PTPRG: variants seen among roughly 807,000 people sequenced by gnomAD.
PTPRG encodes the protein protein tyrosine phosphatase receptor type G.
A neutral mutation model predicts 165.3 loss-of-function variants in PTPRG; 102 were observed. The ratio of observed to expected loss-of-function variants is 0.62; its 90% CI spans 0.53 to 0.73. The LOEUF is 0.73. PTPRG is among the 30% of genes least tolerant of loss of function. The pLI is 0.00. For synonymous variants in PTPRG, 675 were observed against 669.5 expected (o/e 1.01, Z -0.13); for missense variants, 1,866 against 1,861.4 (o/e 1.00, Z -0.05).
At chr3:61,832,424 C>G (rs1241823653) in intron 2 of PTPRG, among the ~76,000 whole-genome samples, 3 of 152,118 alleles carry the variant, frequency 2.0e-5, no homozygotes, top group Non-Finnish European at 4.4e-5. Flanking sequence ...AGTTTTGGAG[C>G]ATAGAGAGTG....
chr3:61,978,661 C>A (rs897106891), intron 2 of PTPRG, among the ~76,000 whole-genome samples: 3 of 152,080 alleles, frequency 2.0e-5, no homozygotes, highest in Non-Finnish European at 2.9e-5. Flanking sequence ...GTATTTCTGC[C>A]AGGGAAGCAA....
At chr3:61,832,128 G>C (rs1307048033) in intron 2 of PTPRG, among the ~76,000 whole-genome samples, 1 of 152,046 alleles carries the variant, frequency 6.6e-6, no homozygotes, top group Non-Finnish European at 1.5e-5. Context: ...TAACAAGAAG[G>C]GGGTGCTTTG....
intron 21 of PTPRG, among the ~76,000 whole-genome samples, chr3:62,272,642 G>T (rs548822603): frequency 6.6e-6 from 1 of 152,206 alleles, no homozygotes; most frequent in African/African-American, 2.4e-5. Flanking sequence ...TCAGGAGTTC[G>T]ATACCAGTCT....
rs541054128 is a variant in PTPRG, at chr3:61,706,791, G to GTAT, written c.86-42070_86-42068dup. Among the ~76,000 whole-genome samples, 1,150 of 151,760 alleles carry GTAT rather than the reference G, an allele frequency of 7.6e-3. 20 individuals carry two copies. Among genetic ancestry groups the GTAT allele is most frequent in the African/African-American group, 0.025 (1,031 of 41,386 alleles). ...AGGGGTGAGCCACTGTGCCCGGCCA[G>GTAT]TATTATTATTATTATTATTTTTAAC... On this transcript the variant is annotated intron_variant, in intron 1 of 29. Coordinates refer to ENST00000474889, the MANE Select transcript of PTPRG (RefSeq NM_002841.4).
intron 1 of PTPRG, chr3:61,659,569 C>A: frequency 1.8e-6 from 1 of 557,214 alleles, no homozygotes; most frequent in Non-Finnish European, 2.3e-6. Context: ...TCTTGGTAAC[C>A]TTTGAGTGTC....
At position 62,255,065 on chromosome 3, in the gene PTPRG, T is replaced by C; in HGVS notation, c.2468-59T>C. On this transcript the variant is annotated intron_variant, in intron 15 of 29. Transcript: ENST00000474889. This position sits in a 1 kb window ranked among gnomAD's most constrained non-coding sequence, Gnocchi z 4.0. ...TCTTAAGGATGCTTTGCTTTATCAG[T>C]GTAATTTGTTTTATGGAAGTATTCT... is the stretch of plus-strand genomic sequence containing the variant. 3 of 1,414,850 alleles carry C rather than the reference T, an allele frequency of 2.1e-6. No homozygotes were observed. The highest frequency in any genetic ancestry group is 3.0e-6 in the Non-Finnish European group (3 of 1,014,908). 87.6% of individuals were successfully genotyped at this position (1,414,850 alleles called of 1,614,324 possible).
intron 1 of PTPRG, among the ~76,000 whole-genome samples, chr3:61,724,932 A>T (rs780611042): frequency 6.6e-6 from 1 of 152,062 alleles, no homozygotes; most frequent in African/African-American, 2.4e-5. Context: ...GCCTGTTCCC[A>T]CGTCCTCTCA....
At chr3:61,933,983 G>A (rs1335531791) in intron 2 of PTPRG, among the ~76,000 whole-genome samples, 3 of 152,212 alleles carry the variant, frequency 2.0e-5, no homozygotes, top group Non-Finnish European at 4.4e-5. Flanking sequence ...GGTCAGGCAG[G>A]CTCATGCTTT....
intron 6 of PTPRG, among the ~76,000 whole-genome samples, chr3:62,153,546 G>A (rs1296907196): frequency 6.6e-6 from 1 of 151,642 alleles, no homozygotes; most frequent in Non-Finnish European, 1.5e-5. Flanking sequence ...AGGGCACAAG[G>A]AGTAATCCAG....
intron 1 of PTPRG, among the ~76,000 whole-genome samples, chr3:61,731,161 C>T (rs1307892154): frequency 6.6e-6 from 1 of 151,932 alleles, no homozygotes; most frequent in Non-Finnish European, 1.5e-5. Flanking sequence ...TAGTTTTTAC[C>T]CCCGTTGAGT....
chr3:62,185,824 C>T (rs1705858233), intron 8 of PTPRG, among the ~76,000 whole-genome samples: 1 of 152,214 alleles, frequency 6.6e-6, no homozygotes, highest in African/African-American at 2.4e-5. Context: ...ATCCTCACTG[C>T]AACCTTGTGA....
chr3:62,215,649 G>C (rs576469234), intron 12 of PTPRG, among the ~76,000 whole-genome samples: 3 of 150,850 alleles, frequency 2.0e-5, no homozygotes, highest in Non-Finnish European at 4.4e-5. Context: ...CCTGGGCTGT[G>C]ACTCAAGAGC....
chr3:62,065,799 C>G (rs1489431979), intron 4 of PTPRG, among the ~76,000 whole-genome samples: 2 of 152,130 alleles, frequency 1.3e-5, no homozygotes, highest in Non-Finnish European at 2.9e-5. Flanking sequence ...ACCTCAGGAA[C>G]AGAAGAGCTC....
chr3:61,763,012 T>C (rs2033902891), intron 2 of PTPRG, among the ~76,000 whole-genome samples: 1 of 152,166 alleles, frequency 6.6e-6, no homozygotes, highest in South Asian at 2.1e-4. Flanking sequence ...CTTATGTCTC[T>C]GTTGAAGAGC....
In PTPRG at chr3:62,065,003, A is replaced by T. The variant is rs151160103; in HGVS notation, c.520-13160A>T. ...CAGCTCGGCTTCCCAAAGTGCTGAGATTATAGGTGTGAGCCACTGCACCCA... is the reference window on the plus strand; with the variant it reads ...CAGCTCGGCTTCCCAAAGTGCTGAGTTTATAGGTGTGAGCCACTGCACCCA... On this transcript the variant is annotated intron_variant, in intron 4 of 29. Coordinates refer to ENST00000474889, the MANE Select transcript of PTPRG (RefSeq NM_002841.4). Among the ~76,000 whole-genome samples the T allele has an allele frequency of 4.1e-3, 628 of 152,188 alleles. 2 individuals carry two copies. Among genetic ancestry groups the T allele is most frequent in the African/African-American group, 0.014 (591 of 41,520 alleles).
intron 2 of PTPRG, among the ~76,000 whole-genome samples, chr3:61,812,688 G>T (rs975164130): frequency 4.5e-4 from 69 of 152,358 alleles, no homozygotes; most frequent in African/African-American, 1.6e-3. Context: ...TGACTCAAGA[G>T]TCTTTAAGAA....
chr3:62,135,427 G>C (rs1703671113), intron 6 of PTPRG, among the ~76,000 whole-genome samples: 1 of 152,204 alleles, frequency 6.6e-6, no homozygotes, highest in Non-Finnish European at 1.5e-5. Context: ...CAATGACAGA[G>C]ATGTGTAAAG....
chr3:61,649,159 C>T (rs1333417253), intron 1 of PTPRG, among the ~76,000 whole-genome samples: 1 of 151,298 alleles, frequency 6.6e-6, no homozygotes, highest in African/African-American at 2.4e-5. Flanking sequence ...TCCCTCCCTC[C>T]CTTCTTTCCC....
intron 4 of PTPRG, among the ~76,000 whole-genome samples, chr3:62,061,613 T>G (rs1157160553): frequency 6.8e-6 from 1 of 148,074 alleles, no homozygotes. Context: ...AAACATTACT[T>G]GGCTTTCTCT....
Sources: gnomAD v4.1 joint callset for allele counts (sites outside exome capture counted in the v4.1 genomes callset) on GRCh38, gnomAD v4.1.1 for gene constraint, Gnocchi (gnomAD v3.1) non-coding constraint, MANE v1.5 for transcripts, NCBI Gene and HGNC (gene_info 2026-07-23, HGNC 2026-07-21) for gene names.